The following PPIP5K2 variants were observed in gnomAD, a reference collection of about 807,000 sequenced individuals.
PPIP5K2 encodes the protein inositol hexakisphosphate and diphosphoinositol-pentakisphosphate kinase 2.
Under a neutral mutation model 154.6 loss-of-function variants are expected in PPIP5K2, and 105 were observed. The observed-to-expected ratio is 0.68, with a 90% CI of 0.58 to 0.80. The LOEUF is 0.80. Among genes scored for constraint, PPIP5K2 ranks in the 30% least tolerant of loss-of-function variants. The probability of loss-of-function intolerance (pLI) is 0.00; values close to 1 mark genes in which losing one functional copy is unlikely to be tolerated. For missense variants in PPIP5K2, 992 were observed against 1,504.6 expected, an observed-to-expected ratio of 0.66 and a Z score of 5.64; for synonymous variants, 480 against 490.3, an observed-to-expected ratio of 0.98 and a Z score of 0.28.
chr5:103,157,824 A>G (rs1795655844), intron 14 of PPIP5K2, among the ~76,000 whole-genome samples: 1 of 152,244 alleles, frequency 6.6e-6, no homozygotes, highest in Non-Finnish European at 1.5e-5. Context: ...TCGGGCATCA[A>G]GGAGCTGTTA....
intron 28 of PPIP5K2, 68 bp from the exon 29 acceptor site, chr5:103,190,774 C>T: frequency 5.0e-6 from 7 of 1,410,976 alleles, no homozygotes; most frequent in Non-Finnish European, 6.7e-6. Context: ...CAGTAGTCTT[C>T]CTTTCTAATT....
intron 14 of PPIP5K2, among the ~76,000 whole-genome samples, chr5:103,156,733 A>G (rs1795475867): frequency 1.3e-5 from 2 of 152,226 alleles, no homozygotes; most frequent in South Asian, 4.1e-4. Context: ...ACTTGGCAAT[A>G]TATCAAAAAC....
chr5:103,199,348 T>A (rs1554229567), intron 30 of PPIP5K2, among the ~76,000 whole-genome samples: 1 of 151,936 alleles, frequency 6.6e-6, no homozygotes, highest in Admixed American at 6.5e-5. Context: ...CAAATTCTAT[T>A]CATTTTTTTG....
At chr5:103,147,426 A>T (rs148685566) in intron 6 of PPIP5K2, among the ~76,000 whole-genome samples, 2 of 151,996 alleles carry the variant, frequency 1.3e-5, no homozygotes, top group Non-Finnish European at 2.9e-5. Context: ...ATTTTTCATT[A>T]TCTTCACAAG....
chr5:103,196,728 A>C (rs1298846635), intron 30 of PPIP5K2, among the ~76,000 whole-genome samples: 1 of 152,176 alleles, frequency 6.6e-6, no homozygotes, highest in African/African-American at 2.4e-5. Flanking sequence ...TAAACTAAAA[A>C]TGGTGTTATA....
chr5:103,127,409 A>G (rs553022452), intron 1 of PPIP5K2, among the ~76,000 whole-genome samples: 78 of 152,332 alleles, frequency 5.1e-4, no homozygotes, highest in African/African-American at 1.7e-3. Context: ...CTATCTTCCT[A>G]CTAGACTAAA....
At chr5:103,172,734 G>A (rs1554219860) in intron 19 of PPIP5K2, among the ~76,000 whole-genome samples, 1 of 151,754 alleles carries the variant, frequency 6.6e-6, no homozygotes, top group South Asian at 2.1e-4. Context: ...GAATGTGTTA[G>A]TCTTTTAAAT....
At chr5:103,199,536 A>G (rs1580502631) in intron 30 of PPIP5K2, among the ~76,000 whole-genome samples, 1 of 152,070 alleles carries the variant, frequency 6.6e-6, no homozygotes, top group Non-Finnish European at 1.5e-5. Flanking sequence ...CATAAATGCA[A>G]TGGGTTGTTT....
chr5:103,132,863 A>C (rs1790866645), intron 2 of PPIP5K2, among the ~76,000 whole-genome samples: 1 of 152,174 alleles, frequency 6.6e-6, no homozygotes, highest in Non-Finnish European at 1.5e-5. Context: ...AGCTGTTACG[A>C]GGATGCCAGA....
At chr5:103,125,025 G>A (rs1330747168) in intron 1 of PPIP5K2, among the ~76,000 whole-genome samples, 1 of 152,170 alleles carries the variant, frequency 6.6e-6, no homozygotes, top group Non-Finnish European at 1.5e-5. Flanking sequence ...GGCAAGTTTT[G>A]TAGAGGAGTA....
Position 103,206,509 on chromosome 5 carries a change from G to T in PPIP5K2, c.*4875G>T, listed in dbSNP as rs1335752464. On this transcript the variant is annotated 3_prime_UTR_variant, in exon 31 of 31. Coordinates refer to ENST00000358359, the MANE Select transcript of PPIP5K2 (RefSeq NM_001276277.3). ...CCTTACTGACCCTAGAGCAGATGATGGAGTCAGTTTTTCCGAAAAGCCTCA... is the reference window on the plus strand; with the variant it reads ...CCTTACTGACCCTAGAGCAGATGATTGAGTCAGTTTTTCCGAAAAGCCTCA... 1 of 152,108 alleles carries T rather than the reference G, an allele frequency of 6.6e-6. No homozygotes were observed. Among genetic ancestry groups the T allele is most frequent in the African/African-American group, 2.4e-5 (1 of 41,410 alleles). 9.4% of individuals were successfully genotyped at this position (152,108 alleles called of 1,614,324 possible).
At chr5:103,171,229 G>C (rs1797930951) in intron 19 of PPIP5K2, among the ~76,000 whole-genome samples, 1 of 151,338 alleles carries the variant, frequency 6.6e-6, no homozygotes, top group Non-Finnish European at 1.5e-5. Flanking sequence ...AGAAAATTGG[G>C]GCCCTGGTTT....
intron 21 of PPIP5K2, chr5:103,176,935 G>A: frequency 7.0e-7 from 1 of 1,432,686 alleles, no homozygotes; most frequent in Non-Finnish European, 9.4e-7. Flanking sequence ...ATTTACATAT[G>A]CCTCCTTCTT....
In PPIP5K2 at chr5:103,204,899, A is replaced by G. The variant is rs781872918; in HGVS notation, c.*3265A>G. ...ACTGTAAGTTCTAGGGTACATGTGC[A>G]CAATGTGCAGGTTTGTTACATAGGT... On this transcript the variant is annotated 3_prime_UTR_variant, in exon 31 of 31. Coordinates refer to ENST00000358359, the MANE Select transcript of PPIP5K2 (RefSeq NM_001276277.3). The G allele has an allele frequency of 2.6e-5, 4 of 151,950 alleles. No individual in the cohort carries two copies. Among genetic ancestry groups the G allele is most frequent in the African/African-American group, 7.3e-5 (3 of 41,356 alleles). 9.4% of individuals were successfully genotyped at this position (151,950 alleles called of 1,614,324 possible).
intron 19 of PPIP5K2, among the ~76,000 whole-genome samples, chr5:103,171,785 A>G (rs572992665): frequency 6.6e-6 from 1 of 151,792 alleles, no homozygotes; most frequent in South Asian, 2.1e-4. Flanking sequence ...ATGCGTATAT[A>G]TAGCAAATAC....
At chr5:103,142,940 TACA>T (rs1407679325) in intron 5 of PPIP5K2, among the ~76,000 whole-genome samples, 1 of 152,126 alleles carries the variant, frequency 6.6e-6, no homozygotes, top group Non-Finnish European at 1.5e-5. Flanking sequence ...AAATAATAAC[TACA>T]ACAACTTTTT....
In PPIP5K2 at chr5:103,173,940, CT is replaced by C; in HGVS notation, c.2498del (p.Leu833ArgfsTer25). 1 of 1,605,092 alleles carries C rather than the reference CT, an allele frequency of 6.2e-7. No individual in the cohort carries two copies. Among genetic ancestry groups the C allele is most frequent in the Non-Finnish European group, 8.5e-7 (1 of 1,172,888 alleles). ...FTSESHVHSL[L>X]SILRYGALCN... ...CAGTGAAAGTCATGTACATTCTTTG[CT>C]GTCTATTCTTCGCTATGGTGCCTTA... On this transcript the variant is annotated frameshift_variant, in exon 21 of 31. Coordinates refer to ENST00000358359, the MANE Select transcript of PPIP5K2 (RefSeq NM_001276277.3). LOFTEE classifies it high-confidence loss of function.
chr5:103,195,142 A>C, intron 30 of PPIP5K2, 117 bp downstream of exon 30: 2 of 1,311,182 alleles, frequency 1.5e-6, no homozygotes, highest in Non-Finnish European at 2.1e-6. Flanking sequence ...CTAGAGCGTA[A>C]TGATCCTAAG....
In PPIP5K2 at chr5:103,180,004, A is replaced by G. The variant is rs370844638; in HGVS notation, c.2755-17A>G. On this transcript the variant is annotated splice_polypyrimidine_tract_variant and intron_variant, in intron 23 of 30. Coordinates refer to ENST00000358359, the MANE Select transcript of PPIP5K2 (RefSeq NM_001276277.3). ...TAAATCTGAATAGTAAAAGTGTTTTATATTCTTTGCTCACAGAATGAAGGC... is the reference window on the plus strand; with the variant it reads ...TAAATCTGAATAGTAAAAGTGTTTTGTATTCTTTGCTCACAGAATGAAGGC... 1.3e-6 allele frequency: 2 copies of G among 1,513,112 alleles called. No individual in the cohort carries two copies. Among genetic ancestry groups the G allele is most frequent in the African/African-American group, 1.4e-5 (1 of 69,750 alleles). The allele number at this position is 1,513,112 out of a possible 1,614,324, so 93.7% of individuals were successfully genotyped here.
Sources: allele counts gnomAD v4.1 joint callset (sites outside exome capture counted in the v4.1 genomes callset), GRCh38; gene constraint gnomAD v4.1.1; transcripts MANE v1.5; gene names NCBI Gene and HGNC (gene_info 2026-07-23, HGNC 2026-07-21).